XRCC4: variants seen among roughly 807,000 people sequenced by gnomAD.
The protein encoded by XRCC4 is X-ray repair cross complementing 4, also known as DNA repair protein XRCC4.
A neutral mutation model predicts 39.1 loss-of-function variants in XRCC4; 28 were observed. The ratio of observed to expected loss-of-function variants is 0.72; its 90% CI spans 0.53 to 0.98. The LOEUF is 0.98. Among genes scored for constraint, XRCC4 ranks in the 50% least tolerant of loss-of-function variants. XRCC4 has a pLI of 0.00. For synonymous variants in XRCC4, 123 were observed against 126.4 expected (o/e 0.97, Z 0.18); for missense variants, 350 against 376.4 (o/e 0.93, Z 0.58).
At chr5:83,258,732 A>G in intron 7 of XRCC4, 55 bp downstream of exon 7, 3 of 1,545,168 alleles carry the variant, frequency 1.9e-6, no homozygotes, top group Non-Finnish European at 2.6e-6. Context: ...AAAATCTAGC[A>G]TATGATCTTA....
chr5:83,225,958 TG>T (rs1422140100), intron 6 of XRCC4, among the ~76,000 whole-genome samples: 1 of 152,000 alleles, frequency 6.6e-6, no homozygotes, highest in Non-Finnish European at 1.5e-5. Context: ...AGGTTTAGGG[TG>T]GAGTCCTTCT....
chr5:83,087,826 A>G (rs966803271), intron 1 of XRCC4, among the ~76,000 whole-genome samples: 50 of 152,298 alleles, frequency 3.3e-4, no homozygotes, highest in African/African-American at 1.1e-3. Context: ...GTTTGGAGCT[A>G]CATGCCTTGT....
At chr5:83,174,607 C>T (rs948841325) in intron 3 of XRCC4, among the ~76,000 whole-genome samples, 4 of 152,114 alleles carry the variant, frequency 2.6e-5, no homozygotes, top group Admixed American at 1.3e-4. Flanking sequence ...AAAAACAATT[C>T]GCTGAAGTGG....
chr5:83,204,717 TTTTTCTAGGAATA>T (rs1751348686), intron 5 of XRCC4, 85 bp from the exon 6 acceptor site: 2 of 798,482 alleles, frequency 2.5e-6, no homozygotes, highest in African/African-American at 3.5e-5. Flanking sequence ...AATTAGAATC[TTTTTCTAGGAATA>T]TTTTCTATAA....
intron 7 of XRCC4, among the ~76,000 whole-genome samples, chr5:83,329,940 G>A (rs1440620329): frequency 1.3e-5 from 2 of 152,034 alleles, no homozygotes; most frequent in Non-Finnish European, 2.9e-5. Flanking sequence ...GCAATGTATC[G>A]ATGTTAATTT....
At chr5:83,081,876 G>A (rs1744955283) in intron 1 of XRCC4, among the ~76,000 whole-genome samples, 1 of 151,906 alleles carries the variant, frequency 6.6e-6, no homozygotes, top group Non-Finnish European at 1.5e-5. Context: ...AAGATATCTT[G>A]AACTCAGATG....
intron 6 of XRCC4, among the ~76,000 whole-genome samples, chr5:83,242,774 A>G (rs1313128938): frequency 6.6e-6 from 1 of 152,166 alleles, no homozygotes; most frequent in African/African-American, 2.4e-5. Flanking sequence ...TTTCCTTTGT[A>G]ATAGCTAGCA....
intron 6 of XRCC4, among the ~76,000 whole-genome samples, chr5:83,257,492 A>G (rs190399111): frequency 1.5e-4 from 23 of 152,326 alleles, no homozygotes; most frequent in Admixed American, 7.2e-4. Context: ...ATGAGATACT[A>G]TCTCATGCCA....
At chr5:83,103,009 G>GATATATATATATATATATATATAT (rs56183616) in intron 1 of XRCC4, among the ~76,000 whole-genome samples, 2,216 of 105,616 alleles carry the variant, frequency 0.021, 106 homozygotes, top group Non-Finnish European at 0.025. Flanking sequence ...AGATAGAGCT[G>GATATATATATATATATATATATAT]ATATATATAT....
intron 6 of XRCC4, among the ~76,000 whole-genome samples, chr5:83,219,075 C>G (rs1383161658): frequency 6.6e-6 from 1 of 152,064 alleles, no homozygotes; most frequent in Admixed American, 6.5e-5. Context: ...CCAGGCCTCT[C>G]TCCTTGGCTT....
Position 83,085,837 on chromosome 5 carries a change from C to T in XRCC4, c.-11+8222C>T, listed in dbSNP as rs570244970. Among the ~76,000 whole-genome samples the T allele has an allele frequency of 1.3e-3, 199 of 152,294 alleles. 1 individual carries two copies. The highest frequency in any genetic ancestry group is 4.1e-3 in the African/African-American group (169 of 41,566). On this transcript the variant is annotated intron_variant, in intron 1 of 7. Transcript: ENST00000396027. ...GACCTTGTTGTCATTATCTGACAAGCATGTCTCAGTAGAAAATCATATTAT... is the reference window on the plus strand; with the variant it reads ...GACCTTGTTGTCATTATCTGACAAGTATGTCTCAGTAGAAAATCATATTAT...
chr5:83,352,229 C>T (rs1360686229), intron 7 of XRCC4, among the ~76,000 whole-genome samples: 1 of 152,114 alleles, frequency 6.6e-6, no homozygotes, highest in Non-Finnish European at 1.5e-5. Context: ...TCTACCCCCG[C>T]CTTTGAACTT....
intron 3 of XRCC4, among the ~76,000 whole-genome samples, chr5:83,148,898 G>A (rs905195057): frequency 6.6e-6 from 1 of 152,042 alleles, no homozygotes; most frequent in Admixed American, 6.6e-5. Flanking sequence ...TGTATCAAAT[G>A]TACTCAAAAT....
chr5:83,141,770 T>G (rs983660281), intron 3 of XRCC4, among the ~76,000 whole-genome samples: 4 of 152,152 alleles, frequency 2.6e-5, no homozygotes, highest in Non-Finnish European at 5.9e-5. Flanking sequence ...TCATTGTGCT[T>G]CTTTGGTGTT....
chr5:83,271,329 A>G (rs1754138981), intron 7 of XRCC4, among the ~76,000 whole-genome samples: 2 of 152,298 alleles, frequency 1.3e-5, no homozygotes, highest in South Asian at 4.1e-4. Flanking sequence ...ATTTATTACT[A>G]ATTATACGCC....
chr5:83,242,163 TG>T (rs1752939738), intron 6 of XRCC4, among the ~76,000 whole-genome samples: 1 of 22,188 alleles, frequency 4.5e-5, no homozygotes, highest in Admixed American at 6.3e-4. Flanking sequence ...GTATACACAT[TG>T]TGTGTGTGTG....
chr5:83,345,129 T>C (rs1438220176), intron 7 of XRCC4, among the ~76,000 whole-genome samples: 1 of 152,206 alleles, frequency 6.6e-6, no homozygotes, highest in East Asian at 1.9e-4. Context: ...TCTTTGTTAC[T>C]AGCATATGTC....
intron 7 of XRCC4, among the ~76,000 whole-genome samples, chr5:83,341,565 C>T (rs1449314850): frequency 6.6e-6 from 1 of 152,070 alleles, no homozygotes; most frequent in African/African-American, 2.4e-5. Context: ...TCTTACAGAA[C>T]TACCTTTTGA....
intron 7 of XRCC4, among the ~76,000 whole-genome samples, chr5:83,266,168 G>A (rs373201025): frequency 6.6e-6 from 1 of 151,528 alleles, no homozygotes; most frequent in South Asian, 2.1e-4. Context: ...ACTATACATG[G>A]CCGGCAAAGT....
Sources: gnomAD v4.1 joint callset for allele counts (sites outside exome capture counted in the v4.1 genomes callset) on GRCh38, gnomAD v4.1.1 for gene constraint, MANE v1.5 for transcripts, NCBI Gene and HGNC (gene_info 2026-07-23, HGNC 2026-07-21) for gene names.